The following RPRD2 variants were observed in gnomAD, a reference collection of about 807,000 sequenced individuals.
RPRD2 encodes the protein regulation of nuclear pre-mRNA domain-containing protein 2.
RPRD2 carries 12 observed loss-of-function variants against 104.4 expected under a neutral mutation model. That is an observed-to-expected ratio of 0.11 (90% CI 0.07 to 0.19). The LOEUF (loss-of-function observed/expected upper bound fraction) is 0.19, where lower values mean the gene tolerates loss of function less well. Ranked by LOEUF, RPRD2 falls within the 10% of genes least tolerant of loss-of-function variation. The pLI, the probability that RPRD2 is intolerant of heterozygous loss-of-function variation, is 1.00. For missense variants in RPRD2, 1,543 were observed against 1,790.1 expected, an observed-to-expected ratio of 0.86 and a Z score of 2.49; for synonymous variants, 714 against 684.9, an observed-to-expected ratio of 1.04 and a Z score of -0.66.
At position 150,472,107 on chromosome 1, in the gene RPRD2, T is replaced by G; in HGVS notation, c.3159T>G (p.Asp1053Glu). 1.2e-6 allele frequency: 2 copies of G among 1,613,818 alleles called. No individual in the cohort carries two copies. The highest frequency in any genetic ancestry group is 1.7e-5 in the Admixed American group (1 of 60,014). Residue 1053 changes from aspartate (D) to glutamate (E), a missense_variant, in exon 11 of 11, where the codon GAT becomes GAG. Asp to Glu is a conservative substitution (Grantham distance 45). This residue lies in a region of RPRD2 where 880 missense variants were observed against 885.6 expected (regional missense o/e 0.99). Transcript: ENST00000369068. ...CCCAACCCAGCTTGACCGCCACTGA[T>G]CAGCAGCAACAAGAAGAGCACTACC... ...NLTQPSLTAT[D>E]QQQQEEHYRI...
chr1:150,437,442 C>T (rs188747663), intron 2 of RPRD2, among the ~76,000 whole-genome samples: 3 of 152,300 alleles, frequency 2.0e-5, no homozygotes, highest in Non-Finnish European at 4.4e-5. Context: ...ATATGATTTG[C>T]TGGAGACTCA....
chr1:150,389,839 A>G (rs1661927071), intron 1 of RPRD2, among the ~76,000 whole-genome samples: 1 of 152,180 alleles, frequency 6.6e-6, no homozygotes, highest in African/African-American at 2.4e-5. Flanking sequence ...CTGAAACAGG[A>G]GCAGTGAGTA....
chr1:150,386,349 C>T (rs1442904920), intron 1 of RPRD2, among the ~76,000 whole-genome samples: 2 of 152,064 alleles, frequency 1.3e-5, no homozygotes, highest in African/African-American at 2.4e-5. Context: ...TTTTGGGAGG[C>T]CGAGGCAGGT....
intron 1 of RPRD2, among the ~76,000 whole-genome samples, chr1:150,371,950 T>G (rs1474951025): frequency 1.3e-5 from 2 of 152,164 alleles, no homozygotes; most frequent in East Asian, 1.9e-4. Flanking sequence ...TATCTCTTAG[T>G]GATTTGAAGT....
At chr1:150,387,609 G>T (rs1572372292) in intron 1 of RPRD2, among the ~76,000 whole-genome samples, 2 of 29,268 alleles carry the variant, frequency 6.8e-5, no homozygotes, top group Non-Finnish European at 1.1e-4. Context: ...TTTTTTTTTT[G>T]AGACGGAGTT....
intron 1 of RPRD2, among the ~76,000 whole-genome samples, chr1:150,403,824 G>A (rs755046815): frequency 1.4e-4 from 21 of 151,784 alleles, no homozygotes; most frequent in Non-Finnish European, 2.4e-4. Flanking sequence ...AGTAGAGATG[G>A]GATTTCGCCC....
At chr1:150,462,480 A>T (rs192407117) in intron 9 of RPRD2, among the ~76,000 whole-genome samples, 40 of 152,124 alleles carry the variant, frequency 2.6e-4, no homozygotes, top group Middle Eastern at 3.4e-3. Flanking sequence ...AAACCTGTAA[A>T]TTATAAAAAT....
chr1:150,364,217 G>A lies in RPRD2; in HGVS notation c.-498G>A, dbSNP rs1325666021. 1.3e-5 allele frequency among the ~76,000 whole-genome samples: 2 copies of A among 152,178 alleles called. No homozygotes were observed. Among genetic ancestry groups the A allele is most frequent in the East Asian group, 1.9e-4 (1 of 5,182 alleles). ...GACTAGGTAGCCTTGGACCTTTTCT[G>A]TGCTAGCGAGTCTAAAGGAAAGAAA... On this transcript the variant is annotated 5_prime_UTR_variant, in exon 1 of 11. In the 5' UTR this introduces an upstream ATG that the reference lacks. Transcript: ENST00000369068.
At chr1:150,457,653 G>C (rs1407675302) in intron 8 of RPRD2, 83 bp downstream of exon 8, 1 of 1,144,608 alleles carries the variant, frequency 8.7e-7, no homozygotes. Flanking sequence ...GGCAGGTATT[G>C]AAAGATAGTT....
In RPRD2 at chr1:150,473,183, T is replaced by G. The variant is rs1199094915; in HGVS notation, c.4235T>G (p.Ile1412Arg). ...AGAGACACCATCAGCCGGAGTGGTA[T>G]AATCTTACGGAGTCCCCGGCCAGAC... ...SHRDTISRSG[I>R]ILRSPRPDFR... The change falls in exon 11 of 11, where the codon ATA (isoleucine) becomes AGA (arginine). Residue 1412 changes from isoleucine to arginine, a missense_variant. Around this residue, in one of 4 missense-constraint regions of RPRD2, gnomAD observed 880 missense variants for 885.6 expected, o/e 0.99. Transcript: ENST00000369068. 4 of 1,613,964 alleles carry G rather than the reference T, an allele frequency of 2.5e-6. No homozygotes were observed. In the Admixed American group the frequency reaches 5.0e-5, roughly 20 times the overall value.
At chr1:150,384,762 C>T (rs1045819276) in intron 1 of RPRD2, among the ~76,000 whole-genome samples, 8 of 152,108 alleles carry the variant, frequency 5.3e-5, no homozygotes, top group African/African-American at 1.9e-4. Flanking sequence ...CTGCCTCGGC[C>T]TCCCAAAGTG....
rs1273441453 is a variant in RPRD2 at position 150,364,408 on chromosome 1, A to G, written c.-307A>G. 6.6e-6 allele frequency among the ~76,000 whole-genome samples: 1 copy of G among 152,034 alleles called. No individual in the cohort carries two copies. Among genetic ancestry groups the G allele is most frequent in the Non-Finnish European group, 1.5e-5 (1 of 67,998 alleles). On this transcript the variant is annotated 5_prime_UTR_variant, in exon 1 of 11. Transcript: ENST00000369068. ...CGTCAGGCGTTTTGAAAGGCTTTGCAGGTCCTGTTTTCTGCGTAATTTTTC... is the reference window on the plus strand; with the variant it reads ...CGTCAGGCGTTTTGAAAGGCTTTGCGGGTCCTGTTTTCTGCGTAATTTTTC...
chr1:150,472,769 C>T lies in RPRD2; in HGVS notation c.3821C>T (p.Pro1274Leu), dbSNP rs983424281. ...GIPFPTPPPP[P>L]PPGEHSSSGG... Reference sequence around the variant, plus strand: ...CCTTTCCCTACCCCACCTCCTCCTCCCCCTCCTGGGGAACATAGCAGCAGT... The same window carrying T: ...CCTTTCCCTACCCCACCTCCTCCTCTCCCTCCTGGGGAACATAGCAGCAGT... The change falls in exon 11 of 11, where the codon CCC becomes CTC. Residue 1274 changes from proline (P) to leucine (L), a missense_variant. Pro to Leu is a moderately conservative substitution (Grantham distance 98). This residue lies in a region of RPRD2 where 880 missense variants were observed against 885.6 expected (regional missense o/e 0.99). Transcript: ENST00000369068. 4 of 1,611,440 alleles carry T rather than the reference C, an allele frequency of 2.5e-6. No individual in the cohort carries two copies. Among genetic ancestry groups the T allele is most frequent in the Non-Finnish European group, 3.4e-6 (4 of 1,177,698 alleles).
chr1:150,425,442 G>A (rs1219331317), intron 2 of RPRD2, among the ~76,000 whole-genome samples: 1 of 152,024 alleles, frequency 6.6e-6, no homozygotes, highest in African/African-American at 2.4e-5. Context: ...TCAGGAGTTT[G>A]AGACCAGCCT....
chr1:150,434,097 G>T (rs1272473638), intron 2 of RPRD2, among the ~76,000 whole-genome samples: 1 of 152,194 alleles, frequency 6.6e-6, no homozygotes, highest in Non-Finnish European at 1.5e-5. Context: ...GCTCATGCCT[G>T]TAATCCCAGC....
intron 2 of RPRD2, among the ~76,000 whole-genome samples, chr1:150,423,654 G>T (rs1241524901): frequency 3.3e-5 from 5 of 152,070 alleles, no homozygotes; most frequent in Admixed American, 6.6e-5. Context: ...AATTTGAAAT[G>T]CAAAATGCTC....
chr1:150,378,781 G>C (rs587727794), intron 1 of RPRD2, among the ~76,000 whole-genome samples: 1 of 151,826 alleles, frequency 6.6e-6, no homozygotes, highest in Non-Finnish European at 1.5e-5. Flanking sequence ...TCAGGAGTTC[G>C]AGACCAGCCT....
In RPRD2 at chr1:150,472,295, A is replaced by G. The variant is rs587775690; in HGVS notation, c.3347A>G (p.Asn1116Ser). The G allele has an allele frequency of 4.6e-4, 746 of 1,613,978 alleles. 8 individuals carry two copies. The South Asian group carries it at 7.9e-3, about 17-fold the overall frequency. The change falls in exon 11 of 11, where the codon AAT (asparagine) becomes AGT (serine). Residue 1116 changes from asparagine (N) to serine (S), a missense_variant. Coordinates refer to ENST00000369068, the MANE Select transcript of RPRD2 (RefSeq NM_015203.5). ...VESIRVPGKGNRGHGREASRV... is the reference protein window; with the variant it reads ...VESIRVPGKGSRGHGREASRV... ...TCCATCCGAGTTCCTGGGAAGGGAAATAGAGGACATGGGCGTGAGGCTTCA... is the reference window on the plus strand; with the variant it reads ...TCCATCCGAGTTCCTGGGAAGGGAAGTAGAGGACATGGGCGTGAGGCTTCA...
intron 1 of RPRD2, among the ~76,000 whole-genome samples, chr1:150,392,268 G>A (rs145567753): frequency 0.02 from 3,075 of 152,236 alleles, 131 homozygotes; most frequent in African/African-American, 0.071. Flanking sequence ...GCACTTGGGA[G>A]GCCAAGATGG....
Sources: allele counts gnomAD v4.1 joint callset (sites outside exome capture counted in the v4.1 genomes callset), GRCh38; gene constraint gnomAD v4.1.1; regional missense constraint gnomAD v4.1.1; transcripts MANE v1.5; gene names NCBI Gene and HGNC (gene_info 2026-07-23, HGNC 2026-07-21).